MFAP3L: variants seen among roughly 807,000 people sequenced by gnomAD.
MFAP3L encodes microfibril associated protein 3 like, also known as microfibrillar-associated protein 3-like.
In MFAP3L, 5 loss-of-function variants were observed where a neutral mutation model predicts 20.0. That is an observed-to-expected ratio of 0.25 (90% confidence interval 0.13 to 0.53). The LOEUF (loss-of-function observed/expected upper bound fraction) is 0.53, where lower values mean the gene tolerates loss of function less well. Among genes scored for constraint, MFAP3L ranks in the 20% least tolerant of loss-of-function variants. The pLI is 0.96. For synonymous variants in MFAP3L, 219 were observed against 213.0 expected, an observed-to-expected ratio of 1.03 and a Z score of -0.25; for missense variants, 409 against 527.5, an observed-to-expected ratio of 0.78 and a Z score of 2.20.
chr4:170,010,994 T>C (rs1023606971), intron 1 of MFAP3L, among the ~76,000 whole-genome samples: 1 of 152,168 alleles, frequency 6.6e-6, no homozygotes, highest in Non-Finnish European at 1.5e-5. Context: ...AATTGAATCA[T>C]GGGGGTGGTT....
chr4:169,997,757 C>T (rs1207425877), intron 2 of MFAP3L: 1 of 983,294 alleles, frequency 1.0e-6, no homozygotes, highest in Non-Finnish European at 1.2e-6. Context: ...CTCACCGCAG[C>T]CTGGATGGCC....
chr4:169,997,774 T>C, intron 2 of MFAP3L: 1 of 983,226 alleles, frequency 1.0e-6, no homozygotes, highest in Non-Finnish European at 1.2e-6. Context: ...GGCCGACTCC[T>C]GCCCAGCTCG....
At position 169,987,703 on chromosome 4, in the gene MFAP3L, T is replaced by TTA. The variant is rs1259083291; in HGVS notation, c.*3674_*3675insTA. 3 of 152,178 alleles carry TTA rather than the reference T, an allele frequency of 2.0e-5. No individual in the cohort carries two copies. The highest frequency in any genetic ancestry group is 4.1e-4 in the South Asian group (2 of 4,828). The allele number at this position is 152,178 out of a possible 1,614,324, so 9.4% of individuals were successfully genotyped here. ...GCTGTTCCAAACATGCAAATGTCCT[T>TTA]TGTACCTGATTTTCTTCATGTGCTA... On this transcript the variant is annotated 3_prime_UTR_variant, in exon 3 of 3. Transcript: ENST00000361618.
chr4:170,018,716 G>C (rs1739848790), intron 1 of MFAP3L, among the ~76,000 whole-genome samples: 1 of 152,088 alleles, frequency 6.6e-6, no homozygotes, highest in South Asian at 2.1e-4. Flanking sequence ...CCTTTGAGAA[G>C]TTCTAACCAG....
At chr4:170,008,184 T>C (rs1375035482) in intron 1 of MFAP3L, among the ~76,000 whole-genome samples, 1 of 152,160 alleles carries the variant, frequency 6.6e-6, no homozygotes, top group African/African-American at 2.4e-5. Flanking sequence ...GCAGAGACTT[T>C]CGTTTTATGC....
chr4:169,997,661 T>C lies in MFAP3L; in HGVS notation c.299-5352A>G, dbSNP rs924989674. ...GAATAAAGGGGAGTCGCTAGTGACATTGTTGGCAGTGGAAAGTGACGGCTG... is the reference window on the plus strand; with the variant it reads ...GAATAAAGGGGAGTCGCTAGTGACACTGTTGGCAGTGGAAAGTGACGGCTG... On this transcript the variant is annotated intron_variant, in intron 2 of 2. Transcript: ENST00000361618. 25 of 955,822 alleles carry C rather than the reference T, an allele frequency of 2.6e-5. No homozygotes were observed. The South Asian group carries it at 6.3e-4, about 24-fold the overall frequency. The allele number at this position is 955,822 out of a possible 1,614,324, so 59.2% of individuals were successfully genotyped here.
intron 1 of MFAP3L, among the ~76,000 whole-genome samples, chr4:170,022,692 G>A (rs1740110251): frequency 6.6e-6 from 1 of 152,192 alleles, no homozygotes; most frequent in African/African-American, 2.4e-5. Flanking sequence ...AAAGAGGGAA[G>A]CAGAAGTCAG....
At chr4:170,017,758 C>G (rs760075388) in intron 1 of MFAP3L, among the ~76,000 whole-genome samples, 2 of 152,138 alleles carry the variant, frequency 1.3e-5, no homozygotes, top group Non-Finnish European at 2.9e-5. Context: ...TGTCACAACA[C>G]GGCAAATTGT....
At chr4:170,017,015 C>T (rs1014177742) in intron 1 of MFAP3L, among the ~76,000 whole-genome samples, 10 of 152,294 alleles carry the variant, frequency 6.6e-5, no homozygotes, top group Non-Finnish European at 8.8e-5. Flanking sequence ...TTCAAAATGT[C>T]GCACAGTCCC....
In MFAP3L at chr4:169,996,208, C is replaced by T. The variant is rs560673449; in HGVS notation, c.299-3899G>A. ...TCTTCCCCAAGAAACTCCAGGCACA[C>T]GAGTTAAATGTGAAAATCTCCCAGA... On this transcript the variant is annotated intron_variant, in intron 2 of 2. Transcript: ENST00000361618. 3.3e-5 allele frequency among the ~76,000 whole-genome samples: 5 copies of T among 152,250 alleles called. No individual in the cohort carries two copies. The South Asian group carries it at 1.0e-3, about 32-fold the overall frequency.
chr4:170,005,465 A>C, intron 2 of MFAP3L, 115 bp downstream of exon 2: 4 of 1,199,838 alleles, frequency 3.3e-6, no homozygotes, highest in Non-Finnish European at 4.7e-6. Context: ...TTAGAAAAAC[A>C]AGACAAGATG....
chr4:170,021,043 A>C (rs950849180), intron 1 of MFAP3L, among the ~76,000 whole-genome samples: 1 of 152,134 alleles, frequency 6.6e-6, no homozygotes, highest in Non-Finnish European at 1.5e-5. Context: ...AGTCACCCGG[A>C]AAGAACACAG....
rs1394844140 is a variant in MFAP3L at position 169,991,736 on chromosome 4, T to A, written c.872A>T (p.Asn291Ile). The A allele has an allele frequency of 6.2e-7, 1 of 1,613,846 alleles. No homozygotes were observed. The highest frequency in any genetic ancestry group is 1.3e-5 in the African/African-American group (1 of 74,922). ...ADRDEVYTIP[N>I]SLKRSDSPAA... ...AGGGGAGTCGCTCCGCTTCAGAGAG[T>A]TGGGGATTGTGTAGACCTCATCCCT... Residue 291 changes from asparagine to isoleucine, a missense_variant, in exon 3 of 3, where the codon AAC becomes ATC. This residue lies in a region of MFAP3L where 169 missense variants were observed against 178.2 expected (regional missense o/e 0.95). Coordinates refer to ENST00000361618, the MANE Select transcript of MFAP3L (RefSeq NM_021647.8). This position sits in a 1 kb window ranked among gnomAD's most constrained non-coding sequence, Gnocchi z 4.9.
intron 1 of MFAP3L, among the ~76,000 whole-genome samples, chr4:170,008,937 G>C (rs1194091849): frequency 6.6e-6 from 1 of 152,194 alleles, no homozygotes; most frequent in Non-Finnish European, 1.5e-5. Flanking sequence ...ATGAAGCCAT[G>C]CTTATATGGA....
intron 2 of MFAP3L, chr4:169,994,425 C>T: frequency 1.0e-6 from 1 of 984,818 alleles, no homozygotes; most frequent in South Asian, 4.7e-5. Context: ...GCTTTTTCCC[C>T]AAACCTAAGT....
chr4:170,019,102 G>A (rs1215285711), intron 1 of MFAP3L, among the ~76,000 whole-genome samples: 2 of 152,192 alleles, frequency 1.3e-5, no homozygotes, highest in Admixed American at 1.3e-4. Context: ...GGGAAAACGG[G>A]TTTTGAATCT....
At chr4:170,016,788 G>A (rs1386792445) in intron 1 of MFAP3L, among the ~76,000 whole-genome samples, 2 of 152,176 alleles carry the variant, frequency 1.3e-5, no homozygotes, top group Non-Finnish European at 2.9e-5. Flanking sequence ...TCTGGAAAAT[G>A]TCTGTTCTTT....
intron 1 of MFAP3L, among the ~76,000 whole-genome samples, chr4:170,008,104 T>C (rs1281666272): frequency 6.6e-6 from 1 of 152,180 alleles, no homozygotes; most frequent in Non-Finnish European, 1.5e-5. Flanking sequence ...GTAGGTGCTT[T>C]GGGCTAGAAA....
chr4:170,008,218 T>A (rs1011052034), intron 1 of MFAP3L, among the ~76,000 whole-genome samples: 1 of 152,084 alleles, frequency 6.6e-6, no homozygotes, highest in Non-Finnish European at 1.5e-5. Context: ...AGCAAAATGT[T>A]TTCCCTCTTC....
Sources: gnomAD v4.1 joint callset for allele counts (sites outside exome capture counted in the v4.1 genomes callset) on GRCh38, gnomAD v4.1.1 for gene constraint, gnomAD v4.1.1 regional missense constraint, Gnocchi (gnomAD v3.1) non-coding constraint, MANE v1.5 for transcripts, NCBI Gene and HGNC (gene_info 2026-07-23, HGNC 2026-07-21) for gene names.